Variants in ABLIM1 observed in about 807,000 individuals in gnomAD.
ABLIM1 encodes actin binding LIM protein 1.
Under a neutral mutation model 107.0 loss-of-function variants are expected in ABLIM1, and 40 were observed. That is an observed-to-expected ratio of 0.37 (90% confidence interval 0.29 to 0.49). The LOEUF is 0.49. Among genes scored for constraint, ABLIM1 ranks in the 20% least tolerant of loss-of-function variants. The pLI is 0.97. For synonymous variants in ABLIM1, 357 were observed against 357.3 expected, an observed-to-expected ratio of 1.00 and a Z score of 0.01; for missense variants, 857 against 1,008.5, an observed-to-expected ratio of 0.85 and a Z score of 2.04.
chr10:114,734,338 T>C (rs2082135764), intron 1 of ABLIM1, among the ~76,000 whole-genome samples: 1 of 152,206 alleles, frequency 6.6e-6, no homozygotes, highest in African/African-American at 2.4e-5. Context: ...CAAAATGCCT[T>C]TCTGTTTACA....
At chr10:114,627,859 T>C (rs1001061515) in intron 1 of ABLIM1, among the ~76,000 whole-genome samples, 1 of 152,142 alleles carries the variant, frequency 6.6e-6, no homozygotes. Flanking sequence ...ACGGTGGCTC[T>C]TGCCTGTAAT....
chr10:114,503,077 C>A (rs927912964), intron 6 of ABLIM1, among the ~76,000 whole-genome samples: 3 of 152,188 alleles, frequency 2.0e-5, no homozygotes, highest in Non-Finnish European at 4.4e-5. Flanking sequence ...AGTCATACTT[C>A]ACTAAATCTC....
intron 13 of ABLIM1, 108 bp from the exon 14 acceptor site, chr10:114,451,779 C>G: frequency 1.1e-6 from 1 of 924,126 alleles, no homozygotes; most frequent in Non-Finnish European, 1.7e-6. Context: ...ACAAAAACAA[C>G]CCAGAAGGTT....
intron 1 of ABLIM1, among the ~76,000 whole-genome samples, chr10:114,758,539 C>A (rs1464289116): frequency 6.6e-6 from 1 of 152,076 alleles, no homozygotes; most frequent in Non-Finnish European, 1.5e-5. Context: ...ATTTTTTTGA[C>A]TTTTAAAAAT....
At chr10:114,609,283 A>G (rs1381732900) in intron 1 of ABLIM1, among the ~76,000 whole-genome samples, 2 of 152,206 alleles carry the variant, frequency 1.3e-5, no homozygotes, top group Admixed American at 6.5e-5. Flanking sequence ...CTGGTCTAGC[A>G]TCTTCATTCT....
intron 1 of ABLIM1, among the ~76,000 whole-genome samples, chr10:114,673,312 A>T (rs2080340167): frequency 1.3e-5 from 2 of 151,868 alleles, no homozygotes; most frequent in Admixed American, 6.6e-5. Context: ...CCACACTGCC[A>T]TTCAAGTTTA....
chr10:114,595,692 T>A (rs1352806106), intron 2 of ABLIM1, among the ~76,000 whole-genome samples: 1 of 152,196 alleles, frequency 6.6e-6, no homozygotes, highest in Admixed American at 6.5e-5. Flanking sequence ...AATTACAGAA[T>A]CCATCCATCA....
intron 1 of ABLIM1, among the ~76,000 whole-genome samples, chr10:114,717,006 G>T (rs574514995): frequency 1.3e-5 from 2 of 152,114 alleles, no homozygotes; most frequent in Non-Finnish European, 2.9e-5. Flanking sequence ...ACTGCCCTAA[G>T]TCCATCCCAC....
chr10:114,665,598 C>T (rs978072483), intron 1 of ABLIM1, among the ~76,000 whole-genome samples: 1 of 152,182 alleles, frequency 6.6e-6, no homozygotes, highest in African/African-American at 2.4e-5. Context: ...ACAAAGCAAG[C>T]CTTTAAAAGC....
At chr10:114,782,384 G>A in the ABLIM1 span, among the ~76,000 whole-genome samples, 8 of 152,028 alleles carry the variant, frequency 5.3e-5, no homozygotes, top group Non-Finnish European at 1.2e-4. Flanking sequence ...GTAATTAAGG[G>A]AACACAAGGA....
At chr10:114,527,768 G>C (rs1033229263) in intron 6 of ABLIM1, among the ~76,000 whole-genome samples, 4 of 150,836 alleles carry the variant, frequency 2.7e-5, no homozygotes, top group Non-Finnish European at 5.9e-5. Context: ...GGGTCCAAGC[G>C]ATTGTCCCAC....
chr10:114,547,961 C>T (rs989998373), intron 4 of ABLIM1, among the ~76,000 whole-genome samples, 185 bp from the exon 5 acceptor site: 5 of 152,178 alleles, frequency 3.3e-5, no homozygotes, highest in Non-Finnish European at 7.3e-5. Flanking sequence ...GCTGCGTCCT[C>T]GGAAGGACAC....
At chr10:114,704,551 A>T (rs2081382009) in intron 1 of ABLIM1, among the ~76,000 whole-genome samples, 1 of 149,488 alleles carries the variant, frequency 6.7e-6, no homozygotes, top group Non-Finnish European at 1.5e-5. Flanking sequence ...AGCTTTCCTT[A>T]AATTGGTTAT....
intron 6 of ABLIM1, among the ~76,000 whole-genome samples, chr10:114,513,509 G>A (rs1173259746): frequency 2.0e-5 from 3 of 152,112 alleles, no homozygotes; most frequent in African/African-American, 4.8e-5. Flanking sequence ...AATTTATCCT[G>A]AGCAGGTTAA....
upstream of ABLIM1, among the ~76,000 whole-genome samples, chr10:114,688,950 C>T (rs2141679040): frequency 6.6e-6 from 1 of 152,264 alleles, no homozygotes; most frequent in Middle Eastern, 3.4e-3. Flanking sequence ...TGTATGTGTG[C>T]AGGGAGGGGT....
At chr10:114,794,221 G>A in the ABLIM1 span, among the ~76,000 whole-genome samples, 6 of 152,168 alleles carry the variant, frequency 3.9e-5, no homozygotes, top group South Asian at 4.2e-4. Context: ...CTACTTATTC[G>A]TGTTCGCTAT....
At chr10:114,632,579 G>A (rs1474270984) in intron 1 of ABLIM1, 6 of 985,260 alleles carry the variant, frequency 6.1e-6, no homozygotes, top group Non-Finnish European at 1.2e-6. Flanking sequence ...TTGCACGGCT[G>A]CTCCCCGCTA....
In ABLIM1 at chr10:114,491,873, A is replaced by G; in HGVS notation, c.900T>C (p.Gly300=). 1 of 1,605,964 alleles carries G rather than the reference A, an allele frequency of 6.2e-7. No homozygotes were observed. Among genetic ancestry groups the G allele is most frequent in the Non-Finnish European group, 8.5e-7 (1 of 1,173,612 alleles). ...QFITGKVLEA[G]DKHYHPSCAR... ...CACAGCTGGGGTGGTAATGTTTGTC[A>G]CCTGCCTGCAAGAGAAAAGGTAGGG... is the stretch of plus-strand genomic sequence containing the variant. The change falls in exon 7 of 23, where the codon GGT becomes GGC. Residue 300 remains glycine (G), a synonymous_variant. Transcript: ENST00000533213.
chr10:114,451,416 T>C (rs2061877484), intron 14 of ABLIM1, among the ~76,000 whole-genome samples: 1 of 152,188 alleles, frequency 6.6e-6, no homozygotes, highest in Non-Finnish European at 1.5e-5. Context: ...AGCAACAGGT[T>C]AGAAGCTTTC....
Sources: gnomAD v4.1 joint callset for allele counts (sites outside exome capture counted in the v4.1 genomes callset) on GRCh38, gnomAD v4.1.1 for gene constraint, MANE v1.5 for transcripts, NCBI Gene and HGNC (gene_info 2026-07-23, HGNC 2026-07-21) for gene names.